The following AGBL1 variants were observed in gnomAD, a reference collection of about 807,000 sequenced individuals.
AGBL1 encodes cytosolic carboxypeptidase 4.
AGBL1 carries 130 observed loss-of-function variants against 118.9 expected under a neutral mutation model. That is an observed-to-expected ratio of 1.09 (90% CI 0.95 to 1.26). The LOEUF (loss-of-function observed/expected upper bound fraction) is 1.26. Ranked by LOEUF, AGBL1 falls within the 50% of genes most tolerant of loss-of-function variation. The pLI, the probability that AGBL1 is intolerant of heterozygous loss-of-function variation, is 0.00. For missense variants in AGBL1, 1,584 were observed against 1,298.1 expected (o/e 1.22, Z -3.38); for synonymous variants, 555 against 478.9 (o/e 1.16, Z -2.08).
intron 23 of AGBL1, among the ~76,000 whole-genome samples, chr15:86,970,207 T>G (rs1300174557): frequency 1.3e-5 from 2 of 151,764 alleles, no homozygotes; most frequent in East Asian, 3.9e-4. Flanking sequence ...GAACAACCCC[T>G]GAATGAGATC....
chr15:86,735,251 T>A (rs986754863), intron 22 of AGBL1, among the ~76,000 whole-genome samples: 2 of 151,974 alleles, frequency 1.3e-5, no homozygotes, highest in Non-Finnish European at 2.9e-5. Flanking sequence ...CCAGCTAATT[T>A]TTTGTATTTA....
At chr15:86,517,790 G>T (rs1432870091) in intron 18 of AGBL1, among the ~76,000 whole-genome samples, 1 of 149,486 alleles carries the variant, frequency 6.7e-6, no homozygotes, top group Non-Finnish European at 1.5e-5. Context: ...TTGTCTTTTG[G>T]TTTTTTCCTC....
At chr15:86,856,096 C>G (rs1227549740) in intron 22 of AGBL1, among the ~76,000 whole-genome samples, 2 of 152,244 alleles carry the variant, frequency 1.3e-5, no homozygotes, top group African/African-American at 4.8e-5. Flanking sequence ...TGGGCTCTGA[C>G]TTGACATTTC....
chr15:86,781,200 A>G (rs535846143), intron 22 of AGBL1, among the ~76,000 whole-genome samples: 1 of 152,078 alleles, frequency 6.6e-6, no homozygotes, highest in African/African-American at 2.4e-5. Context: ...TAGCCCATGT[A>G]TGTTACTGAT....
chr15:86,738,176 C>T (rs997034146), intron 22 of AGBL1, among the ~76,000 whole-genome samples: 19 of 152,130 alleles, frequency 1.2e-4, no homozygotes, highest in African/African-American at 4.6e-4. Flanking sequence ...TAAAATTCAA[C>T]ACCGCTTCAT....
intron 22 of AGBL1, among the ~76,000 whole-genome samples, chr15:86,758,957 A>G (rs946414570): frequency 1.1e-4 from 15 of 140,174 alleles, no homozygotes; most frequent in Non-Finnish European, 1.8e-4. Flanking sequence ...TGGATGACAG[A>G]CACCCTGTCA....
At chr15:86,141,842 C>A (rs964974915) in intron 1 of AGBL1, among the ~76,000 whole-genome samples, 162 bp from the exon 2 acceptor site, 5 of 152,196 alleles carry the variant, frequency 3.3e-5, no homozygotes, top group Non-Finnish European at 5.9e-5. Flanking sequence ...GGAGGCACAG[C>A]CCCTGGGTCT....
At chr15:86,388,387 C>A (rs1431225) in intron 17 of AGBL1, among the ~76,000 whole-genome samples, 3,831 of 152,144 alleles carry the variant, frequency 0.025, 163 homozygotes, top group African/African-American at 0.088. Flanking sequence ...ACTGAAGGAA[C>A]CAATAGAATT....
At chr15:87,004,063 A>G (rs139284573) in intron 24 of AGBL1, among the ~76,000 whole-genome samples, 156 of 152,098 alleles carry the variant, frequency 1.0e-3, no homozygotes, top group African/African-American at 3.7e-3. Flanking sequence ...ATGTTAGGGT[A>G]TCAATTTTAG....
At chr15:86,152,863 AT>A (rs1474137306) in intron 3 of AGBL1, among the ~76,000 whole-genome samples, 1 of 152,244 alleles carries the variant, frequency 6.6e-6, no homozygotes, top group Non-Finnish European at 1.5e-5. Flanking sequence ...ATGAACAGAC[AT>A]TTCTTAAAAG....
chr15:86,440,849 C>A (rs1033273707), intron 18 of AGBL1, among the ~76,000 whole-genome samples: 16 of 152,094 alleles, frequency 1.1e-4, no homozygotes, highest in African/African-American at 2.7e-4. Flanking sequence ...AAGTAAGGTG[C>A]CTTTTACTGG....
At chr15:86,127,976 A>T (rs137970347) in intron 1 of AGBL1, among the ~76,000 whole-genome samples, 227 of 152,282 alleles carry the variant, frequency 1.5e-3, no homozygotes, top group African/African-American at 5.2e-3. Context: ...TGAATTTTTA[A>T]AAACCCTCTT....
chr15:86,730,199 T>C (rs1272512985), intron 22 of AGBL1, among the ~76,000 whole-genome samples: 1 of 152,146 alleles, frequency 6.6e-6, no homozygotes, highest in African/African-American at 2.4e-5. Context: ...ACATTGGCCT[T>C]GGCAAAAAAT....
chr15:86,211,553 C>T (rs1481300577), intron 5 of AGBL1, among the ~76,000 whole-genome samples: 3 of 152,212 alleles, frequency 2.0e-5, no homozygotes, highest in Admixed American at 1.3e-4. Context: ...ATGGCGAATG[C>T]CCCTCCTCCT....
At chr15:86,679,964 G>C (rs1169232647) in intron 22 of AGBL1, among the ~76,000 whole-genome samples, 1 of 152,092 alleles carries the variant, frequency 6.6e-6, no homozygotes, top group Non-Finnish European at 1.5e-5. Flanking sequence ...GCCTATATTT[G>C]TGAGTGAGTG....
chr15:86,208,747 A>G (rs1211161876), intron 5 of AGBL1, among the ~76,000 whole-genome samples: 1 of 151,868 alleles, frequency 6.6e-6, no homozygotes, highest in Admixed American at 6.6e-5. Flanking sequence ...TCTATCAATT[A>G]TGTTGATGTT....
At chr15:86,248,479 GC>G (rs1460835371) in intron 7 of AGBL1, among the ~76,000 whole-genome samples, 1 of 152,162 alleles carries the variant, frequency 6.6e-6, no homozygotes, top group East Asian at 1.9e-4. Flanking sequence ...TAGCTCTAGG[GC>G]CTACAGCTGT....
chr15:86,299,399 C>A (rs1285289387), intron 17 of AGBL1, among the ~76,000 whole-genome samples: 1 of 152,034 alleles, frequency 6.6e-6, no homozygotes, highest in African/African-American at 2.4e-5. Flanking sequence ...GATGAATAGG[C>A]GTTGGGCAGT....
chr15:86,928,487 A>G (rs903142521), intron 23 of AGBL1, among the ~76,000 whole-genome samples: 3 of 152,214 alleles, frequency 2.0e-5, no homozygotes, highest in African/African-American at 7.2e-5. Flanking sequence ...TGGTGAGCTA[A>G]TATGGACTGG....
Sources: gnomAD v4.1 joint callset for allele counts (sites outside exome capture counted in the v4.1 genomes callset) on GRCh38, gnomAD v4.1.1 for gene constraint, MANE v1.5 for transcripts, NCBI Gene and HGNC (gene_info 2026-07-23, HGNC 2026-07-21) for gene names.